The following PHF21B variants were observed in gnomAD, a reference collection of about 807,000 sequenced individuals.
PHF21B encodes PHD finger protein 4.
In PHF21B, 22 loss-of-function variants were observed where a neutral mutation model predicts 62.2. That is an observed-to-expected ratio of 0.35 (90% CI 0.25 to 0.51). The LOEUF (loss-of-function observed/expected upper bound fraction) is 0.51. PHF21B is among the 20% of genes least tolerant of loss of function. The pLI is 0.97. For missense variants in PHF21B, 701 were observed against 707.9 expected (o/e 0.99, Z 0.11); for synonymous variants, 341 against 314.7 (o/e 1.08, Z -0.88).
At chr22:44,922,885 A>G (rs1044432286) in intron 2 of PHF21B, among the ~76,000 whole-genome samples, 4 of 152,246 alleles carry the variant, frequency 2.6e-5, no homozygotes, top group African/African-American at 4.8e-5. Flanking sequence ...TAAGATTTCA[A>G]TCCTTCCCAG....
intron 4 of PHF21B, among the ~76,000 whole-genome samples, chr22:44,915,710 A>G (rs1182486137): frequency 6.6e-6 from 1 of 152,226 alleles, no homozygotes; most frequent in Non-Finnish European, 1.5e-5. Context: ...GAACAGAGAG[A>G]AAGAGGCCAC....
At chr22:44,996,877 C>T (rs561121135) in intron 2 of PHF21B, among the ~76,000 whole-genome samples, 4 of 152,202 alleles carry the variant, frequency 2.6e-5, no homozygotes, top group East Asian at 1.9e-4. Context: ...TACATGCAGA[C>T]GCACACAAGC....
chr22:44,885,375 G>C, intron 12 of PHF21B, 51 bp downstream of exon 12: 1 of 1,499,562 alleles, frequency 6.7e-7, no homozygotes, highest in East Asian at 2.5e-5. Flanking sequence ...CCCTAGACCC[G>C]GGGCACACCT....
At position 44,949,665 on chromosome 22, in the gene PHF21B, A is replaced by G. The variant is rs183738776; in HGVS notation, c.121-29175T>C. 5.9e-5 allele frequency among the ~76,000 whole-genome samples: 9 copies of G among 152,344 alleles called. No individual in the cohort carries two copies. The East Asian group carries it at 1.7e-3, about 29-fold the overall frequency. On this transcript the variant is annotated intron_variant, in intron 2 of 12. Transcript: ENST00000313237. ...ATCTCTGGAGCAGCTCTCATAACTC[A>G]GAAACTCTGGCCAGTGATCTACCTT...
intron 3 of PHF21B, among the ~76,000 whole-genome samples, chr22:44,917,857 C>A (rs1330770634): frequency 1.3e-5 from 2 of 152,226 alleles, no homozygotes; most frequent in Non-Finnish European, 2.9e-5. Context: ...TGGACAGTAT[C>A]ACGTCTGTCA....
intron 2 of PHF21B, among the ~76,000 whole-genome samples, chr22:44,954,813 G>C (rs564864230): frequency 2.0e-5 from 3 of 152,326 alleles, no homozygotes; most frequent in Admixed American, 2.0e-4. Context: ...GGAGTGGTCT[G>C]GCCCCGCTGG....
At chr22:44,900,140 A>G (rs970258896) in intron 5 of PHF21B, among the ~76,000 whole-genome samples, 6 of 152,010 alleles carry the variant, frequency 3.9e-5, no homozygotes, top group East Asian at 1.9e-4. Flanking sequence ...AATCTTTTAT[A>G]TATTATCGGA....
chr22:44,910,592 GCT>G (rs58295436), intron 5 of PHF21B, among the ~76,000 whole-genome samples: 18,268 of 152,122 alleles, frequency 0.12, 1,353 homozygotes, highest in African/African-American at 0.22. Context: ...CCCTGCACAA[GCT>G]CTCTCTTTGC....
At chr22:44,926,390 T>C (rs1601606520) in intron 2 of PHF21B, among the ~76,000 whole-genome samples, 2 of 152,250 alleles carry the variant, frequency 1.3e-5, no homozygotes, top group South Asian at 4.1e-4. Context: ...GCATATCCAA[T>C]AGGGGCCAGA....
intron 2 of PHF21B, among the ~76,000 whole-genome samples, chr22:44,994,294 A>G (rs1282279325): frequency 6.6e-6 from 1 of 152,210 alleles, no homozygotes; most frequent in Non-Finnish European, 1.5e-5. Flanking sequence ...CTTAGGGTGA[A>G]CCCTAAATCC....
At chr22:44,991,450 G>A (rs972135124) in intron 2 of PHF21B, among the ~76,000 whole-genome samples, 5 of 152,086 alleles carry the variant, frequency 3.3e-5, no homozygotes, top group African/African-American at 9.7e-5. Flanking sequence ...GCAGACTTGT[G>A]ACAGATGATC....
chr22:44,954,286 C>G (rs111716742), intron 2 of PHF21B, among the ~76,000 whole-genome samples: 2 of 152,256 alleles, frequency 1.3e-5, no homozygotes, highest in African/African-American at 4.8e-5. Flanking sequence ...GTTACTGGGA[C>G]ACATCACTCC....
In PHF21B at chr22:45,009,475, G is replaced by A. The variant is rs1569291747; in HGVS notation, c.54+21C>T. 1 of 1,529,620 alleles carries A rather than the reference G, an allele frequency of 6.5e-7. No individual in the cohort carries two copies. The highest frequency in any genetic ancestry group is 2.0e-5 in the Admixed American group (1 of 50,448). 94.8% of individuals were successfully genotyped at this position (1,529,620 alleles called of 1,614,324 possible). A position where few individuals can be genotyped will look rare whatever the true frequency, so the allele number is the denominator to read the frequency against. ...CCCGCAACACACTCCCCGGCCCCGG[G>A]CCCGGCCCCCGGCCACCTACCTGGT... On this transcript the variant is annotated intron_variant, in intron 1 of 12. Transcript: ENST00000313237. The surrounding 1 kb of genome is among the most constrained non-coding windows in gnomAD (Gnocchi z 5.9).
chr22:44,977,367 C>A (rs1436922167), intron 2 of PHF21B, among the ~76,000 whole-genome samples: 2 of 151,994 alleles, frequency 1.3e-5, no homozygotes, highest in Non-Finnish European at 1.5e-5. Context: ...GAGTTTGAGA[C>A]CAGCCTGGCC....
chr22:44,897,417 TATG>T (rs2071080609), intron 5 of PHF21B, among the ~76,000 whole-genome samples: 1 of 152,050 alleles, frequency 6.6e-6, no homozygotes, highest in Admixed American at 6.5e-5. Context: ...TCCTATGGCG[TATG>T]ATGTTATATA....
chr22:44,899,214 T>C (rs758087848), intron 5 of PHF21B, among the ~76,000 whole-genome samples: 1 of 152,136 alleles, frequency 6.6e-6, no homozygotes, highest in Non-Finnish European at 1.5e-5. Context: ...AAATTAACTT[T>C]GGGCATAATG....
chr22:44,885,651 T>C, intron 11 of PHF21B, 122 bp from the exon 12 acceptor site: 1 of 1,097,180 alleles, frequency 9.1e-7, no homozygotes, highest in Non-Finnish European at 1.3e-6. Context: ...AAGAAGCCAG[T>C]GGCTGTGGCC....
At chr22:44,909,174 A>T (rs193215691) in intron 5 of PHF21B, among the ~76,000 whole-genome samples, 51 of 152,366 alleles carry the variant, frequency 3.3e-4, no homozygotes, top group Admixed American at 2.7e-3. Flanking sequence ...CTATCTATCT[A>T]AGTCATCGCA....
rs1429434839 is a variant in PHF21B, at chr22:44,916,598, G to A, written c.246C>T (p.Leu82=). 2 of 1,603,650 alleles carry A rather than the reference G, an allele frequency of 1.2e-6. No homozygotes were observed. The highest frequency in any genetic ancestry group is 1.1e-5 in the South Asian group (1 of 91,080). ...VRPKTLIPDS[L]PVAPGRDRPP... ...GCCGGTCCCGGCCCGGGGCAACGGG[G>A]AGGCTGTCTGGAATCAGAGTCTTTG... is the stretch of plus-strand genomic sequence containing the variant. Residue 82 remains leucine, a synonymous_variant, in exon 4 of 13, where the codon CTC becomes CTT. Transcript: ENST00000313237.
Sources: allele counts gnomAD v4.1 joint callset (sites outside exome capture counted in the v4.1 genomes callset), GRCh38; gene constraint gnomAD v4.1.1; non-coding constraint Gnocchi (gnomAD v3.1); transcripts MANE v1.5; gene names NCBI Gene and HGNC (gene_info 2026-07-23, HGNC 2026-07-21).